Variants in PPP4R3A observed in about 807,000 individuals in gnomAD.
The protein encoded by PPP4R3A is protein phosphatase 4 regulatory subunit 3A.
In PPP4R3A, 15 loss-of-function variants were observed where a neutral mutation model predicts 91.7. The observed-to-expected ratio is 0.16, with a 90% confidence interval of 0.11 to 0.25. PPP4R3A has a LOEUF of 0.25. Among genes scored for constraint, PPP4R3A ranks in the 10% least tolerant of loss-of-function variants. The probability of loss-of-function intolerance (pLI) is 1.00; values close to 1 mark genes in which losing one functional copy is unlikely to be tolerated. For synonymous variants in PPP4R3A, 377 were observed against 348.7 expected, an observed-to-expected ratio of 1.08 and a Z score of -0.91; for missense variants, 623 against 998.4, an observed-to-expected ratio of 0.62 and a Z score of 5.07.
At chr14:91,468,675 A>AAAAAAAAAAAAAAAAAAAAG in intron 10 of PPP4R3A, among the ~76,000 whole-genome samples, 1 of 147,470 alleles carries the variant, frequency 6.8e-6, no homozygotes, top group Non-Finnish European at 1.5e-5. Context: ...CTCAAAAAAA[A>AAAAAAAAAAAAAAAAAAAAG]AAAAAAAAAA....
intron 10 of PPP4R3A, among the ~76,000 whole-genome samples, chr14:91,469,513 AG>A (rs1313096813): frequency 3.9e-5 from 6 of 152,228 alleles, no homozygotes; most frequent in Admixed American, 1.3e-4. Flanking sequence ...TTGCCCTGAT[AG>A]GAAGTTTAAT....
intron 14 of PPP4R3A, among the ~76,000 whole-genome samples, chr14:91,459,759 T>C (rs1261417202): frequency 2.6e-5 from 4 of 151,238 alleles, no homozygotes; most frequent in South Asian, 2.1e-4. Context: ...CGCTTTAATC[T>C]GGAAGGTGGA....
At chr14:91,495,459 C>T (rs1280120284) in intron 1 of PPP4R3A, among the ~76,000 whole-genome samples, 1 of 151,898 alleles carries the variant, frequency 6.6e-6, no homozygotes, top group Non-Finnish European at 1.5e-5. Context: ...GGACTACAGG[C>T]ACATTCCCAG....
At position 91,481,805 on chromosome 14, in the gene PPP4R3A, G is replaced by A; in HGVS notation, c.686C>T (p.Ala229Val). The change falls in exon 4 of 15, where the codon GCT becomes GTT. Residue 229 changes from alanine (A) to valine (V), a missense_variant. This residue lies in a region of PPP4R3A where 264 missense variants were observed against 377.3 expected (regional missense o/e 0.70). Coordinates refer to ENST00000554943, the MANE Select transcript of PPP4R3A (RefSeq NM_001366432.2). ...CCTGTGTTTTCGTGGTTGTGATAAAGCAGGATCATATTCTAAACATCCAAT... is the reference window on the plus strand; with the variant it reads ...CCTGTGTTTTCGTGGTTGTGATAAAACAGGATCATATTCTAAACATCCAAT... ...DVIGCLEYDP[A>V]LSQPRKHREF... is the part of the protein sequence containing the mutation. 2 of 1,614,118 alleles carry A rather than the reference G, an allele frequency of 1.2e-6. No homozygotes were observed. Among genetic ancestry groups the A allele is most frequent in the African/African-American group, 2.7e-5 (2 of 75,050 alleles).
chr14:91,509,374 T>G (rs1891627517), intron 1 of PPP4R3A, 132 bp downstream of exon 1: 2 of 1,304,126 alleles, frequency 1.5e-6, no homozygotes, highest in African/African-American at 1.5e-5. Context: ...GGGCCCGTCC[T>G]CCCCCGAGGT....
intron 9 of PPP4R3A, 104 bp downstream of exon 9, chr14:91,472,928 GC>G: frequency 2.1e-6 from 2 of 951,682 alleles, no homozygotes; most frequent in Non-Finnish European, 3.3e-6. Context: ...TGTCCTCCCA[GC>G]CTCTACCTCC....
At chr14:91,499,042 C>T (rs1041790761) in intron 1 of PPP4R3A, among the ~76,000 whole-genome samples, 1 of 151,876 alleles carries the variant, frequency 6.6e-6, no homozygotes, top group Non-Finnish European at 1.5e-5. Context: ...CCGCCCTGGC[C>T]TCCCAAAGTG....
chr14:91,490,633 A>C, intron 2 of PPP4R3A, 114 bp downstream of exon 2: 1 of 754,454 alleles, frequency 1.3e-6, no homozygotes, highest in Non-Finnish European at 2.1e-6. Context: ...TTAGAATTTC[A>C]CTGCCAAACT....
intron 10 of PPP4R3A, among the ~76,000 whole-genome samples, chr14:91,467,858 C>T (rs1888569244): frequency 6.6e-6 from 1 of 152,158 alleles, no homozygotes. Context: ...TTACTGTCTG[C>T]ATTTATATAT....
rs562703454 is a variant in PPP4R3A, at chr14:91,492,584, A to G, written c.143-1782T>C. On this transcript the variant is annotated intron_variant, in intron 1 of 14. Transcript: ENST00000554943. ...TTTCCACTTCACACCAACCCTCCCAACTATGTCTAGGACAGGTGACCTAAT... is the reference window on the plus strand; with the variant it reads ...TTTCCACTTCACACCAACCCTCCCAGCTATGTCTAGGACAGGTGACCTAAT... Among the ~76,000 whole-genome samples, 9 of 152,260 alleles carry G rather than the reference A, an allele frequency of 5.9e-5. No homozygotes were observed. In the South Asian group the frequency reaches 1.9e-3, roughly 32 times the overall value.
chr14:91,501,205 G>A (rs1053018042), intron 1 of PPP4R3A, among the ~76,000 whole-genome samples: 1 of 152,162 alleles, frequency 6.6e-6, no homozygotes, highest in Non-Finnish European at 1.5e-5. Context: ...ACTAGACTCA[G>A]GTAGCAGGGA....
At chr14:91,486,126 CCTT>C (rs1399676729) in intron 2 of PPP4R3A, among the ~76,000 whole-genome samples, 1 of 152,158 alleles carries the variant, frequency 6.6e-6, no homozygotes, top group African/African-American at 2.4e-5. Context: ...TAATAAAACT[CCTT>C]CTCTCTTCCC....
rs372908590 is a variant in PPP4R3A at position 91,462,812 on chromosome 14, A to G, written c.1896T>C (p.Asp632=). The change falls in exon 12 of 15, where the codon GAT becomes GAC. Residue 632 remains aspartate (D), a synonymous_variant. Coordinates refer to ENST00000554943, the MANE Select transcript of PPP4R3A (RefSeq NM_001366432.2). ...ENYWKALEDV[D]YVQTFKGLKL... ...TTAATCCTTTAAATGTCTGTACATA[A>G]TCTACATCTTCCAGTGCTTTCCAGT... 1.2e-5 allele frequency: 19 copies of G among 1,611,548 alleles called. No homozygotes were observed. Among genetic ancestry groups the G allele is most frequent in the Non-Finnish European group, 1.6e-5 (19 of 1,177,984 alleles).
At chr14:91,504,340 AAG>A (rs1891149887) in intron 1 of PPP4R3A, among the ~76,000 whole-genome samples, 1 of 149,724 alleles carries the variant, frequency 6.7e-6, no homozygotes, top group South Asian at 2.1e-4. Flanking sequence ...AAAAAAAAAA[AAG>A]AAAAGAAAAG....
chr14:91,506,610 G>A (rs980233922), intron 1 of PPP4R3A, among the ~76,000 whole-genome samples: 1 of 152,090 alleles, frequency 6.6e-6, no homozygotes, highest in African/African-American at 2.4e-5. Flanking sequence ...CAGTGCAGTG[G>A]CATGATCACA....
chr14:91,495,317 T>G (rs981310972), intron 1 of PPP4R3A, among the ~76,000 whole-genome samples: 1 of 147,762 alleles, frequency 6.8e-6, no homozygotes, highest in Non-Finnish European at 1.5e-5. Context: ...TGTGTGTGTG[T>G]GTGTGTGTAT....
In PPP4R3A at chr14:91,510,259, C is replaced by T. The variant is rs982038652; in HGVS notation, c.-612G>A. 4 of 152,812 alleles carry T rather than the reference C, an allele frequency of 2.6e-5. No homozygotes were observed. The highest frequency in any genetic ancestry group is 9.6e-5 in the African/African-American group (4 of 41,586). 9.5% of individuals were successfully genotyped at this position (152,812 alleles called of 1,614,324 possible). A position where few individuals can be genotyped will look rare whatever the true frequency, so the allele number is the denominator to read the frequency against. On this transcript the variant is annotated 5_prime_UTR_variant, in exon 1 of 15. Coordinates refer to ENST00000554943, the MANE Select transcript of PPP4R3A (RefSeq NM_001366432.2). ...CCTCCGCCGCCGTCTCTTCCGTCTT[C>T]CTCACACAGCCAAAACCGCCGCCAT...
rs1376343335 is a variant in PPP4R3A at position 91,473,084 on chromosome 14, C to T, written c.1450G>A (p.Val484Ile). ...TTTGCTAGTAAAGGAGCAGTGAGAA[C>T]ATGCATACAGTGCTTGTAGAAGAAA... is the stretch of plus-strand genomic sequence containing the variant. The part of the protein sequence containing the change: ...LGFFYKHCMH[V>I]LTAPLLANTT... Residue 484 changes from valine to isoleucine, a missense_variant, in exon 9 of 15, where the codon GTT becomes ATT. Coordinates refer to ENST00000554943, the MANE Select transcript of PPP4R3A (RefSeq NM_001366432.2). The T allele has an allele frequency of 6.2e-7, 1 of 1,614,064 alleles. No individual in the cohort carries two copies. The highest frequency in any genetic ancestry group is 2.2e-5 in the East Asian group (1 of 44,890).
At position 91,458,683 on chromosome 14, in the gene PPP4R3A, G is replaced by T. The variant is rs10135595; in HGVS notation, c.*76C>A. On this transcript the variant is annotated 3_prime_UTR_variant, in exon 15 of 15. Transcript: ENST00000554943. The stretch of plus-strand genomic sequence containing the variant: ...CATTCACAAGAGACCACTGCGCTTT[G>T]TTGTGGATTTTGTATGGGGGAGGGG... The T allele has an allele frequency of 0.46, 738,434 of 1,607,146 alleles. 171,670 individuals carry two copies. The highest frequency in any genetic ancestry group is 0.49 in the Admixed American group (29,601 of 59,960).
Sources: gnomAD v4.1 joint callset for allele counts (sites outside exome capture counted in the v4.1 genomes callset) on GRCh38, gnomAD v4.1.1 for gene constraint, gnomAD v4.1.1 regional missense constraint, MANE v1.5 for transcripts, NCBI Gene and HGNC (gene_info 2026-07-23, HGNC 2026-07-21) for gene names.